The following ARHGAP15 variants were observed in gnomAD, a reference collection of about 807,000 sequenced individuals.
The protein encoded by ARHGAP15 is rho GTPase-activating protein 15.
Under a neutral mutation model 63.7 loss-of-function variants are expected in ARHGAP15, and 51 were observed. The ratio of observed to expected loss-of-function variants is 0.80; its 90% CI spans 0.64 to 1.01. ARHGAP15 has a LOEUF of 1.01. Among genes scored for constraint, ARHGAP15 ranks in the 50% least tolerant of loss-of-function variants. The pLI, the probability that ARHGAP15 is intolerant of heterozygous loss-of-function variation, is 0.00. For synonymous variants in ARHGAP15, 191 were observed against 193.8 expected (o/e 0.99, Z 0.12); for missense variants, 560 against 564.6 (o/e 0.99, Z 0.08).
chr2:143,162,695 C>T (rs914359436), intron 2 of ARHGAP15, among the ~76,000 whole-genome samples: 6 of 152,036 alleles, frequency 3.9e-5, no homozygotes, highest in Non-Finnish European at 5.9e-5. Flanking sequence ...TTTGCAGCAT[C>T]TCTTATTTAA....
At chr2:143,471,202 A>ATGTG (rs1249959819) in intron 8 of ARHGAP15, among the ~76,000 whole-genome samples, 1 of 141,836 alleles carries the variant, frequency 7.1e-6, no homozygotes, top group African/African-American at 2.6e-5. Context: ...ACACACATAT[A>ATGTG]TGTGTGTATA....
chr2:143,391,752 G>A (rs1435012771), intron 6 of ARHGAP15, among the ~76,000 whole-genome samples: 3 of 152,142 alleles, frequency 2.0e-5, no homozygotes, highest in East Asian at 1.9e-4. Context: ...TGGAACAGCC[G>A]AAGAAGACCC....
chr2:143,727,496 G>GT (rs1235975819), intron 13 of ARHGAP15, among the ~76,000 whole-genome samples: 4 of 152,164 alleles, frequency 2.6e-5, no homozygotes, highest in African/African-American at 7.2e-5. Flanking sequence ...CTGATGTACT[G>GT]TTTTTTGCAG....
chr2:143,610,782 G>A (rs1345060579), intron 11 of ARHGAP15, among the ~76,000 whole-genome samples: 5 of 152,118 alleles, frequency 3.3e-5, no homozygotes, highest in Non-Finnish European at 5.9e-5. Flanking sequence ...AGGGTACAGT[G>A]CAGTGGTGTG....
chr2:143,160,469 A>G (rs894543832), intron 2 of ARHGAP15, among the ~76,000 whole-genome samples: 1 of 151,974 alleles, frequency 6.6e-6, no homozygotes, highest in African/African-American at 2.4e-5. Context: ...TGTGTCTTCC[A>G]CTGCAATTTT....
At chr2:143,160,037 G>A (rs1482959020) in intron 2 of ARHGAP15, among the ~76,000 whole-genome samples, 1 of 151,806 alleles carries the variant, frequency 6.6e-6, no homozygotes, top group Non-Finnish European at 1.5e-5. Context: ...CATTCTCAGC[G>A]CTCAGGGTAG....
At chr2:143,176,843 T>C (rs1346974272) in intron 2 of ARHGAP15, among the ~76,000 whole-genome samples, 1 of 152,174 alleles carries the variant, frequency 6.6e-6, no homozygotes. Flanking sequence ...GATTGAAAGC[T>C]AATGCTATTG....
intron 13 of ARHGAP15, among the ~76,000 whole-genome samples, chr2:143,707,178 G>GA (rs1320354088): frequency 6.6e-6 from 1 of 152,156 alleles, no homozygotes; most frequent in Non-Finnish European, 1.5e-5. Context: ...AGAAAGAGGA[G>GA]AGAACCCAGG....
At chr2:143,668,483 C>T (rs923516770) in intron 12 of ARHGAP15, among the ~76,000 whole-genome samples, 1 of 152,134 alleles carries the variant, frequency 6.6e-6, no homozygotes, top group African/African-American at 2.4e-5. Context: ...TATGCAGATC[C>T]AGCTGAAAAT....
intron 11 of ARHGAP15, among the ~76,000 whole-genome samples, chr2:143,567,451 TTG>T (rs1027957759): frequency 2.0e-5 from 3 of 152,120 alleles, no homozygotes; most frequent in East Asian, 3.9e-4. Flanking sequence ...TCTTAAGAAT[TTG>T]AGAGTTGCTT....
chr2:143,285,837 CTTTAG>C (rs1431058680), intron 6 of ARHGAP15, among the ~76,000 whole-genome samples: 1 of 152,118 alleles, frequency 6.6e-6, no homozygotes, highest in East Asian at 1.9e-4. Context: ...AAAACTCTGT[CTTTAG>C]TGTGTTTGAA....
chr2:143,684,686 ATGT>A (rs916614435), intron 12 of ARHGAP15, among the ~76,000 whole-genome samples: 10 of 152,190 alleles, frequency 6.6e-5, no homozygotes, highest in Non-Finnish European at 1.3e-4. Flanking sequence ...TGTAGCATGC[ATGT>A]TGTTTTGCAA....
chr2:143,461,998 C>A (rs1690965738), intron 8 of ARHGAP15, among the ~76,000 whole-genome samples: 1 of 152,016 alleles, frequency 6.6e-6, no homozygotes, highest in Non-Finnish European at 1.5e-5. Context: ...ACAAAAAATA[C>A]AAAAATTAGC....
chr2:143,423,463 TACTTGGCTGAATGCAGGG>T (rs1689015070), intron 6 of ARHGAP15, among the ~76,000 whole-genome samples: 1 of 152,150 alleles, frequency 6.6e-6, no homozygotes, highest in Non-Finnish European at 1.5e-5. Context: ...CTATTCCAGA[TACTTGGCTGAATGCAGGG>T]ACATGTGGTT....
intron 9 of ARHGAP15, among the ~76,000 whole-genome samples, chr2:143,506,756 A>C (rs1042862480): frequency 6.6e-6 from 1 of 152,190 alleles, no homozygotes; most frequent in African/African-American, 2.4e-5. Flanking sequence ...CTCATACTCA[A>C]GTGCTCATAT....
intron 6 of ARHGAP15, among the ~76,000 whole-genome samples, chr2:143,336,195 G>A (rs1292166900): frequency 6.6e-6 from 1 of 152,014 alleles, no homozygotes; most frequent in African/African-American, 2.4e-5. Flanking sequence ...TTTTTGTAGA[G>A]ACAAGATTTC....
chr2:143,155,398 T>C, intron 1 of ARHGAP15, 79 bp from the exon 2 acceptor site: 1 of 1,286,702 alleles, frequency 7.8e-7, no homozygotes, highest in Non-Finnish European at 1.1e-6. Context: ...ATCCTAATGA[T>C]TACTAGGGAC....
chr2:143,348,867 C>T (rs1042072124), intron 6 of ARHGAP15, among the ~76,000 whole-genome samples: 1 of 152,106 alleles, frequency 6.6e-6, no homozygotes, highest in Non-Finnish European at 1.5e-5. Context: ...GATTTACCTC[C>T]AATCTTCCAA....
At chr2:143,407,010 G>A (rs1047491656) in intron 6 of ARHGAP15, among the ~76,000 whole-genome samples, 5 of 151,900 alleles carry the variant, frequency 3.3e-5, no homozygotes, top group Non-Finnish European at 7.4e-5. Context: ...CTACAAGGGA[G>A]GCTTAGAAAT....
Sources: allele counts gnomAD v4.1 joint callset (sites outside exome capture counted in the v4.1 genomes callset), GRCh38; gene constraint gnomAD v4.1.1; transcripts MANE v1.5; gene names NCBI Gene and HGNC (gene_info 2026-07-23, HGNC 2026-07-21).